The following ANAPC7 variants were observed in gnomAD, a reference collection of about 807,000 sequenced individuals.
The protein encoded by ANAPC7 is anaphase-promoting complex subunit 7.
A neutral mutation model predicts 63.3 loss-of-function variants in ANAPC7; 25 were observed. That is an observed-to-expected ratio of 0.39 (90% CI 0.29 to 0.55). The LOEUF (loss-of-function observed/expected upper bound fraction) is 0.55. Among genes scored for constraint, ANAPC7 ranks in the 20% least tolerant of loss-of-function variants. ANAPC7 has a pLI of 0.57. For synonymous variants in ANAPC7, 241 were observed against 251.7 expected, an observed-to-expected ratio of 0.96 and a Z score of 0.40; for missense variants, 516 against 691.7, an observed-to-expected ratio of 0.75 and a Z score of 2.85.
chr12:110,384,852 T>C (rs1338844799), intron 6 of ANAPC7, among the ~76,000 whole-genome samples: 2 of 152,182 alleles, frequency 1.3e-5, no homozygotes, highest in African/African-American at 2.4e-5. Flanking sequence ...CTAAGGTCTC[T>C]CTTCCCAGAG....
At chr12:110,382,076 T>A in intron 7 of ANAPC7, 128 bp from the exon 8 acceptor site, 2 of 923,890 alleles carry the variant, frequency 2.2e-6, no homozygotes, top group Non-Finnish European at 3.1e-6. Flanking sequence ...ACCACACTTA[T>A]AGTTTTAACC....
chr12:110,383,888 A>G (rs567699543), intron 6 of ANAPC7, among the ~76,000 whole-genome samples: 23 of 132,040 alleles, frequency 1.7e-4, no homozygotes, highest in South Asian at 2.3e-4. Context: ...AAAAAAAAAA[A>G]AAAAAAAAAA....
intron 1 of ANAPC7, among the ~76,000 whole-genome samples, chr12:110,401,017 T>C (rs1378584060): frequency 6.6e-6 from 1 of 151,990 alleles, no homozygotes; most frequent in Admixed American, 6.6e-5. Context: ...ACCACTGCAC[T>C]CCAGCCTGGG....
At chr12:110,382,538 A>C (rs1188988853) in intron 7 of ANAPC7, among the ~76,000 whole-genome samples, 12 of 138,810 alleles carry the variant, frequency 8.6e-5, no homozygotes, top group African/African-American at 3.2e-4. Flanking sequence ...GCTGGTCTCA[A>C]ATTTCTGGCC....
At chr12:110,380,161 G>A (rs1033478393) in intron 8 of ANAPC7, among the ~76,000 whole-genome samples, 1 of 152,174 alleles carries the variant, frequency 6.6e-6, no homozygotes, top group Non-Finnish European at 1.5e-5. Flanking sequence ...GACCAGCCTG[G>A]CTAACATGGC....
Position 110,374,104 on chromosome 12 carries a change from G to A in ANAPC7, c.*40C>T, listed in dbSNP as rs1321029775. On this transcript the variant is annotated 3_prime_UTR_variant, in exon 11 of 11. Transcript: ENST00000455511. ...TTCCTTCAGTCCACGGAAGTGCTCA[G>A]AGCAGGGCAGGCCACTGCGGCCATG... 6.3e-7 allele frequency: 1 copy of A among 1,576,086 alleles called. No homozygotes were observed. The highest frequency in any genetic ancestry group is 8.6e-7 in the Non-Finnish European group (1 of 1,164,108).
intron 8 of ANAPC7, among the ~76,000 whole-genome samples, chr12:110,380,749 T>C (rs1420456007): frequency 1.3e-5 from 2 of 150,678 alleles, no homozygotes; most frequent in African/African-American, 4.9e-5. Context: ...GGTCAGAAGA[T>C]TGAGACCATC....
intron 1 of ANAPC7, among the ~76,000 whole-genome samples, chr12:110,400,396 GAATTT>G (rs2137996505): frequency 6.6e-6 from 1 of 152,268 alleles, no homozygotes; most frequent in Admixed American, 6.5e-5. Flanking sequence ...TCCACTGTTT[GAATTT>G]AACAGTGTCT....
intron 1 of ANAPC7, among the ~76,000 whole-genome samples, chr12:110,400,698 T>C (rs1186268788): frequency 6.6e-6 from 1 of 152,000 alleles, no homozygotes; most frequent in Non-Finnish European, 1.5e-5. Context: ...CCAGGGCTCC[T>C]GTCAACATGA....
intron 10 of ANAPC7, 30 bp downstream of exon 10, chr12:110,376,036 G>A: frequency 6.3e-7 from 1 of 1,595,226 alleles, no homozygotes; most frequent in Non-Finnish European, 8.6e-7. Flanking sequence ...CCTCCTCAGT[G>A]GCCTTCCCCC....
chr12:110,399,869 G>A (rs974249083), intron 1 of ANAPC7, among the ~76,000 whole-genome samples: 1 of 151,754 alleles, frequency 6.6e-6, no homozygotes, highest in African/African-American at 2.4e-5. Flanking sequence ...GCCAAGGAGG[G>A]AGGATCACCT....
At position 110,374,264 on chromosome 12, in the gene ANAPC7, A is replaced by G. The variant is rs747157447; in HGVS notation, c.1578T>C (p.Asp526=). 51 of 1,613,944 alleles carry G rather than the reference A, an allele frequency of 3.2e-5. No individual in the cohort carries two copies. Among genetic ancestry groups the G allele is most frequent in the Non-Finnish European group, 4.2e-5 (49 of 1,180,022 alleles). ...CGTCCACATCCTCCTCCTGAGTGGC[A>G]TCCGTGGGACTCTCCTCCTTCTCCA... The part of the protein sequence containing the change: ...QKMEKEESPT[D]ATQEEDVDDM... The change falls in exon 11 of 11, where the codon GAT becomes GAC. Residue 526 remains aspartate, a synonymous_variant. Transcript: ENST00000455511.
At chr12:110,383,731 C>A (rs1170372647) in intron 6 of ANAPC7, among the ~76,000 whole-genome samples, 1 of 150,944 alleles carries the variant, frequency 6.6e-6, no homozygotes, top group Non-Finnish European at 1.5e-5. Flanking sequence ...CAAAAATTAG[C>A]TGGGCATGGT....
At chr12:110,399,501 C>A (rs867446766) in intron 1 of ANAPC7, among the ~76,000 whole-genome samples, 1 of 150,658 alleles carries the variant, frequency 6.6e-6, no homozygotes, top group African/African-American at 2.4e-5. Flanking sequence ...TTAGTGTTTG[C>A]GGGAGGAAGG....
intron 10 of ANAPC7, chr12:110,375,537 C>A (rs1881186450): frequency 1.1e-6 from 1 of 872,706 alleles, no homozygotes; most frequent in African/African-American, 1.8e-5. Context: ...GGGCTAAGAG[C>A]TTTACATGAA....
intron 8 of ANAPC7, among the ~76,000 whole-genome samples, chr12:110,379,510 C>G (rs1190300004): frequency 6.6e-6 from 1 of 152,202 alleles, no homozygotes; most frequent in East Asian, 1.9e-4. Context: ...ATGGAATTAA[C>G]ATGATTAACA....
rs1220724453 is a variant in ANAPC7 at position 110,403,680 on chromosome 12, T to C, written c.-53A>G. The C allele has an allele frequency of 6.4e-7, 1 of 1,555,798 alleles. No homozygotes were observed. The highest frequency in any genetic ancestry group is 8.7e-7 in the Non-Finnish European group (1 of 1,149,222). On this transcript the variant is annotated 5_prime_UTR_variant, in exon 1 of 11. Coordinates refer to ENST00000455511, the MANE Select transcript of ANAPC7 (RefSeq NM_016238.3). ...CGGCAGCACTGACTCGAAAAGCCGGTAGAGGATCCTTAGGGAAGACTCCAA... is the reference window on the plus strand; with the variant it reads ...CGGCAGCACTGACTCGAAAAGCCGGCAGAGGATCCTTAGGGAAGACTCCAA...
intron 3 of ANAPC7, among the ~76,000 whole-genome samples, chr12:110,393,866 T>C (rs1592922769): frequency 1.5e-4 from 7 of 45,576 alleles, no homozygotes; most frequent in African/African-American, 2.1e-4. Flanking sequence ...AAACTCCCTC[T>C]CAAAAAAAAA....
intron 1 of ANAPC7, among the ~76,000 whole-genome samples, chr12:110,402,629 C>T (rs1367440712): frequency 6.6e-6 from 1 of 152,028 alleles, no homozygotes; most frequent in Non-Finnish European, 1.5e-5. Context: ...CCACTACGCC[C>T]GGCCAATAAA....
Sources: gnomAD v4.1 joint callset for allele counts (sites outside exome capture counted in the v4.1 genomes callset) on GRCh38, gnomAD v4.1.1 for gene constraint, MANE v1.5 for transcripts, NCBI Gene and HGNC (gene_info 2026-07-23, HGNC 2026-07-21) for gene names.